The following CCDC171 variants were observed in gnomAD, a reference collection of about 807,000 sequenced individuals.
CCDC171 encodes coiled-coil domain-containing protein 171.
Under a neutral mutation model 168.2 loss-of-function variants are expected in CCDC171, and 177 were observed. The observed-to-expected ratio is 1.05, with a 90% confidence interval of 0.93 to 1.19. CCDC171 has a LOEUF of 1.19. Ranked by LOEUF, CCDC171 falls within the 50% of genes most tolerant of loss-of-function variation. The pLI, the probability that CCDC171 is intolerant of heterozygous loss-of-function variation, is 0.00. For missense variants in CCDC171, 1,991 were observed against 1,539.0 expected (o/e 1.29, Z -4.91); for synonymous variants, 687 against 540.8 (o/e 1.27, Z -3.75).
At chr9:15,849,423 C>T (rs1335324692) in intron 23 of CCDC171, among the ~76,000 whole-genome samples, 2 of 151,008 alleles carry the variant, frequency 1.3e-5, no homozygotes, top group African/African-American at 2.4e-5. Context: ...AGAATATATT[C>T]TTAAAGTAGA....
chr9:15,566,187 T>G (rs1478258847), intron 2 of CCDC171, among the ~76,000 whole-genome samples: 1 of 150,922 alleles, frequency 6.6e-6, no homozygotes, highest in Non-Finnish European at 1.5e-5. Flanking sequence ...TGTTTATTTT[T>G]AAATTGTGTT....
intron 25 of CCDC171, among the ~76,000 whole-genome samples, chr9:15,955,202 G>C (rs1269334539): frequency 6.6e-6 from 1 of 152,112 alleles, no homozygotes; most frequent in African/African-American, 2.4e-5. Context: ...CCCTGGGCTT[G>C]TGTGGTCACT....
chr9:15,817,971 G>A lies in CCDC171; in HGVS notation c.3268-28731G>A, dbSNP rs1410089286. ...GTAGGGGCAGACTGACACCTCACACGGCCGGGTACTCCTCTGAGACAAAAC... is the reference window on the plus strand; with the variant it reads ...GTAGGGGCAGACTGACACCTCACACAGCCGGGTACTCCTCTGAGACAAAAC... On this transcript the variant is annotated intron_variant, in intron 21 of 25. Transcript: ENST00000380701. Among the ~76,000 whole-genome samples, 5 of 116,856 alleles carry A rather than the reference G, an allele frequency of 4.3e-5. 2 individuals carry two copies. The highest frequency in any genetic ancestry group is 1.6e-4 in the African/African-American group (5 of 31,054). The allele number at this position is 116,856 out of a possible 152,430, so 76.7% of individuals were successfully genotyped here. A position where few individuals can be genotyped will look rare whatever the true frequency, so the allele number is the denominator to read the frequency against.
At chr9:15,802,421 C>G (rs2058869668) in intron 21 of CCDC171, among the ~76,000 whole-genome samples, 1 of 151,980 alleles carries the variant, frequency 6.6e-6, no homozygotes, top group Non-Finnish European at 1.5e-5. Context: ...AGCCTGCATC[C>G]TCTGATAGAC....
At chr9:16,041,276 G>A (rs1833567156), upstream of CCDC171, among the ~76,000 whole-genome samples, 1 of 152,192 alleles carries the variant, frequency 6.6e-6, no homozygotes, top group Non-Finnish European at 1.5e-5. Flanking sequence ...TGGCCAACTA[G>A]GTCAGTGGGA....
At chr9:16,014,753 GAAAGAAATC>G (rs1198342376) in intron 3 of CCDC171, among the ~76,000 whole-genome samples, 14 of 152,210 alleles carry the variant, frequency 9.2e-5, no homozygotes, top group African/African-American at 3.4e-4. Flanking sequence ...GTAATATTTT[GAAAGAAATC>G]TCATTTCTTG....
chr9:15,865,849 CGTGTGTGT>C (rs71325944), intron 23 of CCDC171, among the ~76,000 whole-genome samples: 10 of 147,442 alleles, frequency 6.8e-5, no homozygotes, highest in Admixed American at 4.1e-4. Context: ...ACTCTGCGTG[CGTGTGTGT>C]GTGTGTGTGT....
At chr9:15,788,446 T>TAAAAA (rs1393794533) in intron 21 of CCDC171, among the ~76,000 whole-genome samples, 2 of 152,148 alleles carry the variant, frequency 1.3e-5, no homozygotes, top group Non-Finnish European at 2.9e-5. Flanking sequence ...AAACAAAGTG[T>TAAAAA]ATTGTTTCTT....
chr9:15,677,905 T>TAC (rs2049730957), intron 9 of CCDC171, among the ~76,000 whole-genome samples: 2 of 23,220 alleles, frequency 8.6e-5, no homozygotes, highest in African/African-American at 4.0e-4. Context: ...TATATATATA[T>TAC]ATATATATAT....
At chr9:15,728,427 C>A (rs1443937679) in intron 15 of CCDC171, among the ~76,000 whole-genome samples, 1 of 152,166 alleles carries the variant, frequency 6.6e-6, no homozygotes, top group Non-Finnish European at 1.5e-5. Flanking sequence ...TATTCAAAAA[C>A]ATGATCTTAA....
chr9:16,007,333 C>A (rs10962250), intron 3 of CCDC171, among the ~76,000 whole-genome samples: 2 of 152,034 alleles, frequency 1.3e-5, no homozygotes, highest in African/African-American at 4.8e-5. Context: ...TGGATATTAG[C>A]CCTTTGTCAG....
intron 25 of CCDC171, among the ~76,000 whole-genome samples, chr9:15,954,786 GCTTT>G (rs1482693491): frequency 3.5e-4 from 53 of 151,618 alleles, no homozygotes; most frequent in Non-Finnish European, 2.9e-5. Flanking sequence ...TTCTTTCTAG[GCTTT>G]CTATCTCTTT....
intron 25 of CCDC171, among the ~76,000 whole-genome samples, chr9:15,950,098 A>C (rs186768793): frequency 8.7e-4 from 133 of 152,298 alleles, no homozygotes; most frequent in African/African-American, 3.1e-3. Flanking sequence ...AGAAATGAGC[A>C]AAGCCTCCAA....
chr9:15,685,793 A>G (rs2050353612), intron 10 of CCDC171, among the ~76,000 whole-genome samples: 1 of 152,200 alleles, frequency 6.6e-6, no homozygotes, highest in South Asian at 2.1e-4. Flanking sequence ...TTAATAATGT[A>G]ATTATTAAAT....
intron 18 of CCDC171, among the ~76,000 whole-genome samples, chr9:15,746,127 G>A (rs1421408812): frequency 6.6e-6 from 1 of 152,012 alleles, no homozygotes; most frequent in African/African-American, 2.4e-5. Context: ...CCTATTATCA[G>A]CAATTTACAA....
chr9:15,721,912 T>C, intron 12 of CCDC171, 37 bp downstream of exon 12: 1 of 1,150,802 alleles, frequency 8.7e-7, no homozygotes, highest in East Asian at 2.8e-5. Context: ...ACATATAGCC[T>C]TCGGCCTGTA....
At chr9:15,865,849 C>CGTGCGT (rs572251091) in intron 23 of CCDC171, among the ~76,000 whole-genome samples, 4 of 147,462 alleles carry the variant, frequency 2.7e-5, no homozygotes, top group African/African-American at 1.0e-4. Flanking sequence ...ACTCTGCGTG[C>CGTGCGT]GTGTGTGTGT....
intron 16 of CCDC171, 86 bp downstream of exon 16, chr9:15,729,884 AT>A: frequency 9.6e-7 from 1 of 1,037,596 alleles, no homozygotes; most frequent in Non-Finnish European, 1.4e-6. Context: ...GCAGTGCTAA[AT>A]CAGTTTAAAC....
chr9:16,028,713 C>G (rs538068119), intron 6 of CCDC171, among the ~76,000 whole-genome samples: 14 of 152,206 alleles, frequency 9.2e-5, no homozygotes, highest in Admixed American at 4.6e-4. Context: ...CTGACTGAGG[C>G]CCCAGCTGCT....
Sources: allele counts gnomAD v4.1 joint callset (sites outside exome capture counted in the v4.1 genomes callset), GRCh38; gene constraint gnomAD v4.1.1; transcripts MANE v1.5; gene names NCBI Gene and HGNC (gene_info 2026-07-23, HGNC 2026-07-21).